Variants in BCAT1 observed in about 807,000 individuals in gnomAD.
BCAT1 encodes the protein branched chain amino acid transaminase 1, also known as branched-chain-amino-acid aminotransferase, cytosolic.
BCAT1 carries 48 observed loss-of-function variants against 52.4 expected under a neutral mutation model. The ratio of observed to expected loss-of-function variants is 0.92; its 90% CI spans 0.73 to 1.16. The LOEUF is 1.16. Among genes scored for constraint, BCAT1 ranks in the 50% most tolerant of loss-of-function variants. BCAT1 has a pLI of 0.00. For missense variants in BCAT1, 451 were observed against 457.1 expected (o/e 0.99, Z 0.12); for synonymous variants, 167 against 161.3 (o/e 1.04, Z -0.27).
intron 1 of BCAT1, among the ~76,000 whole-genome samples, chr12:24,915,084 A>C (rs1474374782): frequency 6.6e-6 from 1 of 152,130 alleles, no homozygotes. Flanking sequence ...ATCTGCTTAA[A>C]GTGCAGTAAG....
intron 5 of BCAT1, among the ~76,000 whole-genome samples, chr12:24,855,385 G>GT (rs1941645642): frequency 6.6e-6 from 1 of 151,112 alleles, no homozygotes; most frequent in African/African-American, 2.4e-5. Context: ...TTTCCATTTT[G>GT]TTTTTTTAGA....
Position 24,836,510 on chromosome 12 carries a change from C to T in BCAT1, c.903+1G>A. 3.1e-6 allele frequency: 5 copies of T among 1,611,018 alleles called. No individual in the cohort carries two copies. The highest frequency in any genetic ancestry group is 4.2e-6 in the Non-Finnish European group (5 of 1,178,286). On this transcript the variant is annotated splice_donor_variant, in intron 8 of 10. Transcript: ENST00000261192. LOFTEE classifies it high-confidence loss of function. ...AAGTTGTTCATATCAAAGGCACCCA[C>T]CCACTGATGTGCCAGGTCCAGAATG...
intron 1 of BCAT1, among the ~76,000 whole-genome samples, chr12:24,943,920 C>G (rs953562641): frequency 6.6e-6 from 1 of 151,652 alleles, no homozygotes; most frequent in South Asian, 2.1e-4. Context: ...GGAGGCGGAG[C>G]TTGCAGTGAG....
rs1317054364 is a variant in BCAT1 at position 24,811,841 on chromosome 12, T to C, written c.*6167A>G. 6.6e-6 allele frequency: 1 copy of C among 152,166 alleles called. No homozygotes were observed. The highest frequency in any genetic ancestry group is 1.5e-5 in the Non-Finnish European group (1 of 67,984). 9.4% of individuals were successfully genotyped at this position (152,166 alleles called of 1,614,324 possible). A position where few individuals can be genotyped will look rare whatever the true frequency, so the allele number is the denominator to read the frequency against. ...GATTCAGATACAAGAGAACAGGTTC[T>C]AACAATTTCATAATTAAGTTGATAT... On this transcript the variant is annotated 3_prime_UTR_variant, in exon 11 of 11. Transcript: ENST00000261192.
intron 5 of BCAT1, among the ~76,000 whole-genome samples, chr12:24,857,488 A>G (rs1405948038): frequency 6.6e-6 from 1 of 152,236 alleles, no homozygotes; most frequent in Non-Finnish European, 1.5e-5. Context: ...TTATCTATCT[A>G]TCTATCTATC....
intron 10 of BCAT1, among the ~76,000 whole-genome samples, chr12:24,818,481 C>T (rs1253913675): frequency 6.6e-6 from 1 of 152,108 alleles, no homozygotes; most frequent in African/African-American, 2.4e-5. Context: ...CATCACCAGA[C>T]AACAAGTTAA....
chr12:24,939,103 G>A (rs1008077789), intron 1 of BCAT1, among the ~76,000 whole-genome samples: 13 of 152,094 alleles, frequency 8.5e-5, no homozygotes, highest in African/African-American at 2.7e-4. Context: ...CGAACTCCTG[G>A]CCTCAAGTGA....
Position 24,836,852 on chromosome 12 carries a change from GAA to G in BCAT1, c.818-258_818-257del, listed in dbSNP as rs1491448319. On this transcript the variant is annotated intron_variant, in intron 7 of 10. Coordinates refer to ENST00000261192, the MANE Select transcript of BCAT1 (RefSeq NM_005504.7). ...AAGGAAGGAAGGAGAGAGAGAGAAAGAAAGGAAGGAAGGAAGGAAAGAGAAAG... is the reference window on the plus strand; with the variant it reads ...AAGGAAGGAAGGAGAGAGAGAGAAAGAGGAAGGAAGGAAGGAAAGAGAAAG... Among the ~76,000 whole-genome samples the G allele has an allele frequency of 1.2e-3, 158 of 127,826 alleles. 2 individuals carry two copies. The highest frequency in any genetic ancestry group is 4.6e-3 in the African/African-American group (156 of 33,990). The allele number at this position is 127,826 out of a possible 152,430, so 83.9% of individuals were successfully genotyped here.
chr12:24,911,773 G>A lies in BCAT1; in HGVS notation c.7-9888C>T, dbSNP rs77721273. ...AGGGAGGAAACCCTAAGCGTGGCAA[G>A]CCTCTAGGTCATCTCCAGGTACCTT... On this transcript the variant is annotated intron_variant, in intron 1 of 10. Coordinates refer to ENST00000261192, the MANE Select transcript of BCAT1 (RefSeq NM_005504.7). 6.9e-3 allele frequency among the ~76,000 whole-genome samples: 1,048 copies of A among 152,210 alleles called. 14 individuals carry two copies. The highest frequency in any genetic ancestry group is 0.024 in the African/African-American group (992 of 41,526).
chr12:24,913,906 A>T (rs373730621), intron 1 of BCAT1, among the ~76,000 whole-genome samples: 1 of 151,788 alleles, frequency 6.6e-6, no homozygotes, highest in Non-Finnish European at 1.5e-5. Context: ...TGGAAGTTAG[A>T]GTACTATTTT....
intron 4 of BCAT1, among the ~76,000 whole-genome samples, chr12:24,879,548 T>G (rs1010982119): frequency 2.6e-5 from 4 of 152,196 alleles, no homozygotes; most frequent in African/African-American, 9.7e-5. Context: ...ATTTGTCTAT[T>G]TAAATATTGA....
At chr12:24,922,387 A>G (rs1157087602) in intron 1 of BCAT1, among the ~76,000 whole-genome samples, 2 of 152,204 alleles carry the variant, frequency 1.3e-5, no homozygotes, top group Non-Finnish European at 2.9e-5. Context: ...CACCCACTGT[A>G]TGACTCATCC....
intron 5 of BCAT1, among the ~76,000 whole-genome samples, chr12:24,863,945 A>C (rs1941926201): frequency 6.6e-6 from 1 of 151,998 alleles, no homozygotes; most frequent in Admixed American, 6.6e-5. Flanking sequence ...AAAAAAAAGA[A>C]GCCATGCTTT....
chr12:24,894,619 C>A, intron 2 of BCAT1, 144 bp from the exon 3 acceptor site: 1 of 701,874 alleles, frequency 1.4e-6, no homozygotes, highest in Non-Finnish European at 2.3e-6. Flanking sequence ...CTGAGCTGAA[C>A]AAATCATGCC....
Position 24,812,602 on chromosome 12 carries a change from A to G in BCAT1, c.*5406T>C, listed in dbSNP as rs1449595285. On this transcript the variant is annotated 3_prime_UTR_variant, in exon 11 of 11. Coordinates refer to ENST00000261192, the MANE Select transcript of BCAT1 (RefSeq NM_005504.7). The stretch of plus-strand genomic sequence containing the variant: ...GTAGCATTATTTGTATTTAGCAACT[A>G]CATTGAAAGCTGAAGAAGATCTCAA... The G allele has an allele frequency of 1.3e-5, 2 of 152,224 alleles. No individual in the cohort carries two copies. The highest frequency in any genetic ancestry group is 2.9e-5 in the Non-Finnish European group (2 of 67,910). 9.4% of individuals were successfully genotyped at this position (152,224 alleles called of 1,614,324 possible).
At chr12:24,910,297 A>T (rs1216715168) in intron 1 of BCAT1, among the ~76,000 whole-genome samples, 4 of 151,986 alleles carry the variant, frequency 2.6e-5, no homozygotes. Context: ...GGATCACTTG[A>T]ACCCAGGAGG....
chr12:24,858,216 T>G (rs1941748323), intron 5 of BCAT1, among the ~76,000 whole-genome samples: 1 of 152,200 alleles, frequency 6.6e-6, no homozygotes, highest in Non-Finnish European at 1.5e-5. Flanking sequence ...CTACTGGGTC[T>G]TCTGTCTGTG....
At chr12:24,908,088 G>T (rs1943255742) in intron 1 of BCAT1, among the ~76,000 whole-genome samples, 1 of 152,152 alleles carries the variant, frequency 6.6e-6, no homozygotes, top group South Asian at 2.1e-4. Context: ...CCAAAGTTTA[G>T]AATATAATAG....
chr12:24,811,722 T>G lies in BCAT1; in HGVS notation c.*6286A>C, dbSNP rs964255282. Reference sequence around the variant, plus strand: ...AAGGGTTTATTTCTTTCTACTCAATTTTTCTTAAAAAGAATTTCAAGAATC... The same window carrying G: ...AAGGGTTTATTTCTTTCTACTCAATGTTTCTTAAAAAGAATTTCAAGAATC... On this transcript the variant is annotated 3_prime_UTR_variant, in exon 11 of 11. Coordinates refer to ENST00000261192, the MANE Select transcript of BCAT1 (RefSeq NM_005504.7). 1 of 152,106 alleles carries G rather than the reference T, an allele frequency of 6.6e-6. No homozygotes were observed. The highest frequency in any genetic ancestry group is 1.5e-5 in the Non-Finnish European group (1 of 67,978). The allele number at this position is 152,106 out of a possible 1,614,324, so 9.4% of individuals were successfully genotyped here. A position where few individuals can be genotyped will look rare whatever the true frequency, so the allele number is the denominator to read the frequency against.
Sources: allele counts gnomAD v4.1 joint callset (sites outside exome capture counted in the v4.1 genomes callset), GRCh38; gene constraint gnomAD v4.1.1; transcripts MANE v1.5; gene names NCBI Gene and HGNC (gene_info 2026-07-23, HGNC 2026-07-21).